VPS41: variants seen among roughly 807,000 people sequenced by gnomAD.
The protein encoded by VPS41 is VPS41 subunit of HOPS complex.
Under a neutral mutation model 130.9 loss-of-function variants are expected in VPS41, and 85 were observed. The ratio of observed to expected loss-of-function variants is 0.65; its 90% CI spans 0.55 to 0.78. VPS41 has a LOEUF of 0.78. Ranked by LOEUF, VPS41 falls within the 30% of genes least tolerant of loss-of-function variation. VPS41 has a pLI of 0.00. For synonymous variants in VPS41, 335 were observed against 332.9 expected (o/e 1.01, Z -0.07); for missense variants, 874 against 1,018.7 (o/e 0.86, Z 1.93).
intron 1 of VPS41, among the ~76,000 whole-genome samples, chr7:38,906,341 T>C (rs112550452): frequency 0.041 from 6,271 of 151,956 alleles, 326 homozygotes; most frequent in African/African-American, 0.12. Flanking sequence ...GGTTTTTTTT[T>C]GTTTGTTTTT....
chr7:38,856,842 T>A (rs1562612107), intron 4 of VPS41, among the ~76,000 whole-genome samples: 2 of 152,004 alleles, frequency 1.3e-5, no homozygotes, highest in Admixed American at 6.6e-5. Context: ...AGAAAAGAAG[T>A]CATCAAAAGC....
intron 2 of VPS41, among the ~76,000 whole-genome samples, chr7:38,884,023 A>G (rs1786668599): frequency 2.6e-5 from 4 of 152,206 alleles, no homozygotes. Context: ...TCAGCAATCA[A>G]TCTCATAACA....
intron 5 of VPS41, among the ~76,000 whole-genome samples, chr7:38,826,932 C>T (rs1342099868): frequency 6.6e-6 from 1 of 152,112 alleles, no homozygotes; most frequent in East Asian, 1.9e-4. Context: ...CATTCTCCTG[C>T]CTCAGCCTCC....
intron 7 of VPS41, among the ~76,000 whole-genome samples, chr7:38,807,866 C>T (rs1784870315): frequency 6.6e-6 from 1 of 152,184 alleles, no homozygotes; most frequent in South Asian, 2.1e-4. Context: ...GGCAATGACA[C>T]TTGCAGTCCT....
In VPS41 at chr7:38,764,746, G is replaced by A. The variant is rs982249713; in HGVS notation, c.1329+834C>T. 3.3e-5 allele frequency among the ~76,000 whole-genome samples: 5 copies of A among 152,100 alleles called. No homozygotes were observed. In the South Asian group the frequency reaches 8.3e-4, roughly 25 times the overall value. ...GGGTATATTGTGTATCACAAACACA[G>A]ACTCAATGGAAAAGGACTGAATTTG... is the stretch of plus-strand genomic sequence containing the variant. On this transcript the variant is annotated intron_variant, in intron 16 of 28. Transcript: ENST00000310301.
intron 2 of VPS41, among the ~76,000 whole-genome samples, chr7:38,877,180 C>T (rs1483352154): frequency 2.6e-5 from 4 of 152,102 alleles, no homozygotes; most frequent in Admixed American, 2.0e-4. Context: ...TGAAAACAAA[C>T]GTATGTAGTA....
At chr7:38,747,065 TC>T (rs1373431306) in intron 22 of VPS41, among the ~76,000 whole-genome samples, 1 of 152,182 alleles carries the variant, frequency 6.6e-6, no homozygotes, top group Non-Finnish European at 1.5e-5. Context: ...TTGAATCTAA[TC>T]CTAGCTAATA....
chr7:38,863,349 C>A (rs529689593), intron 3 of VPS41, among the ~76,000 whole-genome samples: 1 of 152,156 alleles, frequency 6.6e-6, no homozygotes, highest in Admixed American at 6.5e-5. Context: ...AGTTTTCTTC[C>A]TTTTTATTTA....
At chr7:38,799,032 T>G (rs1364766220) in intron 7 of VPS41, among the ~76,000 whole-genome samples, 1 of 150,452 alleles carries the variant, frequency 6.6e-6, no homozygotes, top group Non-Finnish European at 1.5e-5. Context: ...CGAAGGGGAG[T>G]GGCCAGTCTT....
At chr7:38,730,610 G>A (rs1795643341) in intron 25 of VPS41, among the ~76,000 whole-genome samples, 1 of 151,986 alleles carries the variant, frequency 6.6e-6, no homozygotes, top group Admixed American at 6.6e-5. Flanking sequence ...TTAACAGACT[G>A]CATTAAAACA....
At position 38,747,451 on chromosome 7, in the gene VPS41, T is replaced by C. The variant is rs191511217; in HGVS notation, c.1927-1838A>G. ...AAGATAGTCTGACTAATGATAAGCA[T>C]TTATGCTGCTTAAAATAATTTATTA... On this transcript the variant is annotated intron_variant, in intron 22 of 28. Coordinates refer to ENST00000310301, the MANE Select transcript of VPS41 (RefSeq NM_014396.4). 2.6e-3 allele frequency among the ~76,000 whole-genome samples: 400 copies of C among 152,330 alleles called. 4 individuals carry two copies. Among genetic ancestry groups the C allele is most frequent in the Admixed American group, 0.021 (315 of 15,300 alleles).
At chr7:38,796,684 T>C (rs1279203447) in intron 8 of VPS41, 61 bp downstream of exon 8, 1 of 1,610,456 alleles carries the variant, frequency 6.2e-7, no homozygotes, top group East Asian at 2.2e-5. Context: ...TACAGCCCTA[T>C]CAAGTTGGCC....
Position 38,774,205 on chromosome 7 carries a change from G to T in VPS41, c.922C>A (p.Gln308Lys). Reference sequence around the variant, plus strand: ...TCTTCACAAGTCTCAGAAAGTGGCTGGATGATGTCCAGTCTAGGCCTGGCA... The same window carrying T: ...TCTTCACAAGTCTCAGAAAGTGGCTTGATGATGTCCAGTCTAGGCCTGGCA... Reference protein sequence around the residue: ...YCARPRLDIIQPLSETCEEIS... With the variant: ...YCARPRLDIIKPLSETCEEIS... The change falls in exon 12 of 29, where the codon CAG (glutamine) becomes AAG (lysine). Residue 308 changes from glutamine (Q) to lysine (K), a missense_variant. By Grantham distance (53) the Gln-to-Lys change is moderately conservative. Transcript: ENST00000310301. 1 of 1,609,352 alleles carries T rather than the reference G, an allele frequency of 6.2e-7. No homozygotes were observed. The highest frequency in any genetic ancestry group is 8.5e-7 in the Non-Finnish European group (1 of 1,176,552).
chr7:38,844,782 G>A (rs1164822438), intron 4 of VPS41, among the ~76,000 whole-genome samples: 2 of 152,048 alleles, frequency 1.3e-5, no homozygotes, highest in Admixed American at 6.5e-5. Flanking sequence ...TTTATATGCT[G>A]TAAACTTATG....
At chr7:38,858,381 C>G (rs1347809358) in intron 4 of VPS41, among the ~76,000 whole-genome samples, 2 of 152,138 alleles carry the variant, frequency 1.3e-5, no homozygotes, top group East Asian at 3.8e-4. Context: ...AGATCTGTAT[C>G]TTAATGTTAA....
chr7:38,779,873 T>C (rs1784324920), intron 10 of VPS41, among the ~76,000 whole-genome samples: 1 of 152,208 alleles, frequency 6.6e-6, no homozygotes, highest in Non-Finnish European at 1.5e-5. Context: ...TAAAATATAT[T>C]CAAGTAATTA....
At chr7:38,798,702 A>G (rs760630673) in intron 7 of VPS41, among the ~76,000 whole-genome samples, 8 of 152,172 alleles carry the variant, frequency 5.3e-5, no homozygotes, top group Admixed American at 1.3e-4. Context: ...GTGAGTGCTC[A>G]ATAATCACCT....
At chr7:38,835,427 G>A (rs1267054896) in intron 4 of VPS41, among the ~76,000 whole-genome samples, 1 of 151,806 alleles carries the variant, frequency 6.6e-6, no homozygotes, top group East Asian at 1.9e-4. Flanking sequence ...AAAAGTTAAT[G>A]TGTAATTACA....
At chr7:38,905,694 T>C (rs1004069662) in intron 1 of VPS41, among the ~76,000 whole-genome samples, 1 of 152,228 alleles carries the variant, frequency 6.6e-6, no homozygotes, top group East Asian at 1.9e-4. Flanking sequence ...TGGAGATTAC[T>C]GGCATTTATG....
Sources: gnomAD v4.1 joint callset for allele counts (sites outside exome capture counted in the v4.1 genomes callset) on GRCh38, gnomAD v4.1.1 for gene constraint, MANE v1.5 for transcripts, NCBI Gene and HGNC (gene_info 2026-07-23, HGNC 2026-07-21) for gene names.